Variants in WASF3 observed in about 807,000 individuals in gnomAD.
The protein encoded by WASF3 is WASP family member 3.
WASF3 carries 11 observed loss-of-function variants against 46.6 expected under a neutral mutation model. The ratio of observed to expected loss-of-function variants is 0.24; its 90% CI spans 0.15 to 0.39. The LOEUF is 0.39. WASF3 is among the 10% of genes least tolerant of loss of function. The pLI, the probability that WASF3 is intolerant of heterozygous loss-of-function variation, is 1.00. For synonymous variants in WASF3, 242 were observed against 259.7 expected (o/e 0.93, Z 0.65); for missense variants, 576 against 669.8 (o/e 0.86, Z 1.55).
intron 1 of WASF3, among the ~76,000 whole-genome samples, chr13:26,559,538 T>G (rs1879212021): frequency 6.6e-6 from 1 of 152,230 alleles, no homozygotes; most frequent in South Asian, 2.1e-4. Context: ...CTTGTCAGTG[T>G]GTCTTTGTAG....
intron 1 of WASF3, among the ~76,000 whole-genome samples, chr13:26,600,574 C>T (rs1466287864): frequency 6.6e-6 from 1 of 152,162 alleles, no homozygotes; most frequent in African/African-American, 2.4e-5. Flanking sequence ...TTCATCCCAG[C>T]AGAGAATTCA....
chr13:26,674,647 T>C (rs1010198440), intron 6 of WASF3, among the ~76,000 whole-genome samples: 4 of 152,254 alleles, frequency 2.6e-5, no homozygotes, highest in Non-Finnish European at 5.9e-5. Flanking sequence ...TCATTCTTTT[T>C]AATAGTTGTG....
chr13:26,558,248 GT>G (rs1879165015), intron 1 of WASF3, among the ~76,000 whole-genome samples: 1 of 152,082 alleles, frequency 6.6e-6, no homozygotes, highest in African/African-American at 2.4e-5. Context: ...CATCCGTTCA[GT>G]GTCTGCGCGC....
At position 26,685,802 on chromosome 13, in the gene WASF3, C is replaced by G. The variant is rs1883385596; in HGVS notation, c.1466C>G (p.Ser489Cys). The G allele has an allele frequency of 1.2e-6, 2 of 1,613,972 alleles. No homozygotes were observed. Among genetic ancestry groups the G allele is most frequent in the Non-Finnish European group, 1.7e-6 (2 of 1,179,924 alleles). The stretch of plus-strand genomic sequence containing the variant: ...CGCATTGCCGTGGAGTACAGCGACT[C>G]TGACGACGACTCAGAGTTCGACGAG... ...SRRIAVEYSD[S>C]DDDSEFDEND... is the part of the protein sequence containing the mutation. The change falls in exon 10 of 10, where the codon TCT becomes TGT. Residue 489 changes from serine to cysteine, a missense_variant. Ser to Cys is a moderately radical substitution (Grantham distance 112). Transcript: ENST00000335327.
At chr13:26,656,393 ACT>A (rs1882466149) in intron 3 of WASF3, among the ~76,000 whole-genome samples, 1 of 152,142 alleles carries the variant, frequency 6.6e-6, no homozygotes, top group South Asian at 2.1e-4. Flanking sequence ...TTTACCTGAA[ACT>A]CTCCAGAATT....
chr13:26,582,299 T>C (rs1318521565), intron 1 of WASF3, among the ~76,000 whole-genome samples: 2 of 152,130 alleles, frequency 1.3e-5, no homozygotes, highest in Non-Finnish European at 2.9e-5. Context: ...CTGATTTGTG[T>C]TCAAATCTTG....
At chr13:26,612,104 C>T (rs562040882) in intron 1 of WASF3, among the ~76,000 whole-genome samples, 2 of 152,156 alleles carry the variant, frequency 1.3e-5, no homozygotes, top group Admixed American at 1.3e-4. Flanking sequence ...CGCTTTCTTG[C>T]GTCTACCTTG....
upstream of WASF3, among the ~76,000 whole-genome samples, chr13:26,557,386 G>T (rs1879122421): frequency 6.6e-6 from 1 of 152,174 alleles, no homozygotes; most frequent in African/African-American, 2.4e-5. Flanking sequence ...CTAGCAATCA[G>T]AGGTGATACA....
the WASF3 span, among the ~76,000 whole-genome samples, chr13:26,551,397 T>C: frequency 6.6e-6 from 1 of 152,194 alleles, no homozygotes; most frequent in Admixed American, 6.5e-5. Context: ...TGGAGCCCTC[T>C]GTCTTTAAGT....
chr13:26,577,715 A>G (rs757069663), intron 1 of WASF3: 1 of 779,566 alleles, frequency 1.3e-6, no homozygotes, highest in Non-Finnish European at 2.1e-6. Flanking sequence ...AAAAAGTCCT[A>G]TTTGTGGAAA....
intron 1 of WASF3, among the ~76,000 whole-genome samples, chr13:26,590,770 T>TG (rs1358531812): frequency 1.3e-5 from 2 of 152,230 alleles, no homozygotes; most frequent in Non-Finnish European, 2.9e-5. Context: ...ATCTGGGCAC[T>TG]GGGACACATC....
Position 26,685,992 on chromosome 13 carries a change from G to A in WASF3, c.*147G>A. 9.0e-7 allele frequency: 1 copy of A among 1,110,626 alleles called. No homozygotes were observed. The highest frequency in any genetic ancestry group is 1.2e-6 in the Non-Finnish European group (1 of 805,736). The allele number at this position is 1,110,626 out of a possible 1,614,324, so 68.8% of individuals were successfully genotyped here. On this transcript the variant is annotated 3_prime_UTR_variant, in exon 10 of 10. Coordinates refer to ENST00000335327, the MANE Select transcript of WASF3 (RefSeq NM_006646.6). ...GCTTCTGCACATCCAAAAATTCTGGGTCTTTTCAGTATTTACTGTGTAATA... is the reference window on the plus strand; with the variant it reads ...GCTTCTGCACATCCAAAAATTCTGGATCTTTTCAGTATTTACTGTGTAATA...
chr13:26,661,141 A>G (rs1290585710), intron 3 of WASF3, among the ~76,000 whole-genome samples: 1 of 152,218 alleles, frequency 6.6e-6, no homozygotes, highest in Non-Finnish European at 1.5e-5. Context: ...ACATTTCAAC[A>G]TGAGATTTGG....
chr13:26,586,723 T>G (rs1015542994), intron 1 of WASF3, among the ~76,000 whole-genome samples: 3 of 152,188 alleles, frequency 2.0e-5, no homozygotes, highest in Non-Finnish European at 4.4e-5. Flanking sequence ...ATTATAAATC[T>G]GGAGACTGGG....
chr13:26,624,283 A>G (rs1881399454), intron 2 of WASF3, among the ~76,000 whole-genome samples: 1 of 152,224 alleles, frequency 6.6e-6, no homozygotes, highest in Non-Finnish European at 1.5e-5. Flanking sequence ...TTAAATGGAA[A>G]CTGTTGGAAA....
At chr13:26,551,654 G>A in the WASF3 span, among the ~76,000 whole-genome samples, 5 of 152,174 alleles carry the variant, frequency 3.3e-5, no homozygotes, top group Non-Finnish European at 5.9e-5. Flanking sequence ...GAAGGCTCCA[G>A]AGAGGTGAAT....
intron 1 of WASF3, among the ~76,000 whole-genome samples, chr13:26,590,921 A>G (rs1166053096): frequency 6.6e-6 from 1 of 152,226 alleles, no homozygotes; most frequent in Non-Finnish European, 1.5e-5. Flanking sequence ...AGAGAACTAA[A>G]TCATTTAAAA....
chr13:26,561,972 C>G (rs901353259), intron 1 of WASF3, among the ~76,000 whole-genome samples: 1 of 152,066 alleles, frequency 6.6e-6, no homozygotes, highest in African/African-American at 2.4e-5. Flanking sequence ...GCCATTTTTT[C>G]TCTCTATTAA....
intron 3 of WASF3, among the ~76,000 whole-genome samples, chr13:26,650,913 T>TA (rs1882295898): frequency 6.6e-6 from 1 of 152,100 alleles, no homozygotes; most frequent in Non-Finnish European, 1.5e-5. Flanking sequence ...GTCTGACACA[T>TA]ACGTAATTGG....
Sources: allele counts gnomAD v4.1 joint callset (sites outside exome capture counted in the v4.1 genomes callset), GRCh38; gene constraint gnomAD v4.1.1; transcripts MANE v1.5; gene names NCBI Gene and HGNC (gene_info 2026-07-23, HGNC 2026-07-21).